Variants in SLC9A9 observed in about 807,000 individuals in gnomAD.
The protein encoded by SLC9A9 is sodium/hydrogen exchanger 9.
In SLC9A9, 62 loss-of-function variants were observed where a neutral mutation model predicts 77.8. The observed-to-expected ratio is 0.80, with a 90% confidence interval of 0.65 to 0.98. SLC9A9 has a LOEUF of 0.98. SLC9A9 is among the 50% of genes least tolerant of loss of function. The pLI is 0.00. For missense variants in SLC9A9, 775 were observed against 774.9 expected (o/e 1.00, Z 0.00); for synonymous variants, 320 against 283.5 (o/e 1.13, Z -1.29).
intron 13 of SLC9A9, among the ~76,000 whole-genome samples, chr3:143,375,798 G>A (rs4839631): frequency 0.79 from 120,563 of 152,124 alleles, 47,903 homozygotes; most frequent in African/African-American, 0.83. Flanking sequence ...ATGCAGCATT[G>A]TGTGGCAACA....
At chr3:143,436,767 A>C (rs888638024) in intron 12 of SLC9A9, among the ~76,000 whole-genome samples, 2 of 152,176 alleles carry the variant, frequency 1.3e-5, no homozygotes, top group African/African-American at 4.8e-5. Flanking sequence ...AGAGAAGGCA[A>C]ATGCTCATCA....
At chr3:143,353,835 A>C (rs2108475726) in intron 14 of SLC9A9, among the ~76,000 whole-genome samples, 1 of 152,246 alleles carries the variant, frequency 6.6e-6, no homozygotes, top group South Asian at 2.1e-4. Flanking sequence ...TAGAATAATT[A>C]TTTTTCTGGG....
chr3:143,328,806 C>T (rs561305243), intron 14 of SLC9A9, among the ~76,000 whole-genome samples: 1 of 152,240 alleles, frequency 6.6e-6, no homozygotes, highest in South Asian at 2.1e-4. Flanking sequence ...CGTTATGGAC[C>T]CCAGGGGTTG....
intron 12 of SLC9A9, among the ~76,000 whole-genome samples, chr3:143,446,843 C>T (rs2034851939): frequency 6.6e-6 from 1 of 151,824 alleles, no homozygotes; most frequent in Admixed American, 6.6e-5. Flanking sequence ...AATTAAAATG[C>T]TTCAATATGG....
Position 143,553,327 on chromosome 3 carries a change from C to T in SLC9A9, c.1001-877G>A, listed in dbSNP as rs114927685. Among the ~76,000 whole-genome samples, 465 of 152,172 alleles carry T rather than the reference C, an allele frequency of 3.1e-3. 3 individuals are homozygous for T. Among genetic ancestry groups the T allele is most frequent in the African/African-American group, 0.011 (449 of 41,516 alleles). On this transcript the variant is annotated intron_variant, in intron 8 of 15. Transcript: ENST00000316549. ...GGCTGGAGTGGGGAAGCAGTGGGAG[C>T]TTGCACTGTACTTTGGGTTAAAGAT... is the stretch of plus-strand genomic sequence containing the variant.
rs886542204 is a variant in SLC9A9, at chr3:143,363,690, A to T, written c.1525-127T>A. The stretch of plus-strand genomic sequence containing the variant: ...AACCTTTCTAAGTATAGGCATTTTC[A>T]TCTAAATGGTGAAGCAGTTTCCAGG... On this transcript the variant is annotated intron_variant, in intron 13 of 15. Transcript: ENST00000316549. 5 of 799,406 alleles carry T rather than the reference A, an allele frequency of 6.3e-6. No homozygotes were observed. The African/African-American group carries it at 7.0e-5, about 11-fold the overall frequency. 49.5% of individuals were successfully genotyped at this position (799,406 alleles called of 1,614,324 possible). A position where few individuals can be genotyped will look rare whatever the true frequency, so the allele number is the denominator to read the frequency against.
Position 143,705,062 on chromosome 3 carries a change from T to G in SLC9A9, c.534-11755A>C, listed in dbSNP as rs571220268. Among the ~76,000 whole-genome samples the G allele has an allele frequency of 9.3e-5, 13 of 140,160 alleles. No individual in the cohort carries two copies. The East Asian group carries it at 2.6e-3, about 28-fold the overall frequency. 92.0% of individuals were successfully genotyped at this position (140,160 alleles called of 152,430 possible). A position where few individuals can be genotyped will look rare whatever the true frequency, so the allele number is the denominator to read the frequency against. On this transcript the variant is annotated intron_variant, in intron 4 of 15. Transcript: ENST00000316549. The stretch of plus-strand genomic sequence containing the variant: ...ATCTATATAGATATAGATATAGATA[T>G]ATAGATATATATATTATGATACATA...
chr3:143,353,421 G>A (rs536891806), intron 14 of SLC9A9, among the ~76,000 whole-genome samples: 15 of 152,290 alleles, frequency 9.8e-5, no homozygotes, highest in African/African-American at 3.4e-4. Flanking sequence ...AAGAGAGCTT[G>A]TTTACTTTCT....
chr3:143,478,242 A>G (rs1017416739), intron 11 of SLC9A9, among the ~76,000 whole-genome samples: 1 of 152,230 alleles, frequency 6.6e-6, no homozygotes, highest in Non-Finnish European at 1.5e-5. Context: ...ACATGCTTTC[A>G]CTTCGACTTG....
At chr3:143,453,318 T>C (rs2035038590) in intron 12 of SLC9A9, among the ~76,000 whole-genome samples, 1 of 151,966 alleles carries the variant, frequency 6.6e-6, no homozygotes, top group Non-Finnish European at 1.5e-5. Context: ...TTTCAGAATA[T>C]GAAAAAATGG....
chr3:143,462,163 T>G (rs750298807), intron 12 of SLC9A9, among the ~76,000 whole-genome samples: 2 of 152,122 alleles, frequency 1.3e-5, no homozygotes, highest in Non-Finnish European at 2.9e-5. Flanking sequence ...GCTCAGGAGT[T>G]TGAGATCAGC....
chr3:143,545,657 C>T (rs531366651), intron 9 of SLC9A9, among the ~76,000 whole-genome samples: 18 of 152,280 alleles, frequency 1.2e-4, no homozygotes, highest in South Asian at 4.1e-4. Context: ...TTAGGAAAAG[C>T]CATCACAACC....
chr3:143,570,606 G>A (rs2037241381), intron 8 of SLC9A9, among the ~76,000 whole-genome samples: 1 of 152,022 alleles, frequency 6.6e-6, no homozygotes. Flanking sequence ...AATAAATTAT[G>A]GCAAGTTCAT....
chr3:143,688,884 C>T (rs1396174335), intron 5 of SLC9A9, among the ~76,000 whole-genome samples: 1 of 151,822 alleles, frequency 6.6e-6, no homozygotes, highest in African/African-American at 2.4e-5. Flanking sequence ...GGCATCTAAA[C>T]ATTGAAATGC....
At chr3:143,576,340 C>T (rs1026727286) in intron 7 of SLC9A9, among the ~76,000 whole-genome samples, 5 of 152,134 alleles carry the variant, frequency 3.3e-5, no homozygotes, top group Admixed American at 6.5e-5. Flanking sequence ...CACACAGTAA[C>T]GTTTTCAATA....
rs1036614522 is a variant in SLC9A9, at chr3:143,469,620, G to A, written c.1316-2430C>T. ...CTAGGTTCTCAACTTAGAATATAAC[G>A]CTCCTTTCTTACCTCCATGCTGAGA... is the stretch of plus-strand genomic sequence containing the variant. On this transcript the variant is annotated intron_variant, in intron 11 of 15. Coordinates refer to ENST00000316549, the MANE Select transcript of SLC9A9 (RefSeq NM_173653.4). Among the ~76,000 whole-genome samples the A allele has an allele frequency of 3.3e-5, 5 of 152,132 alleles. No homozygotes were observed. In the South Asian group the frequency reaches 8.3e-4, roughly 25 times the overall value.
intron 12 of SLC9A9, among the ~76,000 whole-genome samples, chr3:143,465,165 A>G (rs1470345225): frequency 6.6e-6 from 1 of 152,204 alleles, no homozygotes; most frequent in Non-Finnish European, 1.5e-5. Context: ...TGGCTGCCCC[A>G]TGCTGTGCCC....
chr3:143,545,406 T>C (rs2036770576), intron 9 of SLC9A9, among the ~76,000 whole-genome samples: 1 of 152,218 alleles, frequency 6.6e-6, no homozygotes, highest in Non-Finnish European at 1.5e-5. Context: ...TGCATATGTA[T>C]GTTTGTGTGC....
intron 5 of SLC9A9, among the ~76,000 whole-genome samples, chr3:143,685,162 A>T (rs147247352): frequency 4.6e-5 from 7 of 152,132 alleles, no homozygotes; most frequent in Non-Finnish European, 1.0e-4. Flanking sequence ...AATTAATTTT[A>T]TAGGATATTT....
Sources: allele counts gnomAD v4.1 joint callset (sites outside exome capture counted in the v4.1 genomes callset), GRCh38; gene constraint gnomAD v4.1.1; transcripts MANE v1.5; gene names NCBI Gene and HGNC (gene_info 2026-07-23, HGNC 2026-07-21).